OOSP1: variants seen among roughly 807,000 people sequenced by gnomAD.
OOSP1 encodes oocyte secreted protein 1.
In OOSP1, 11 loss-of-function variants were observed where a neutral mutation model predicts 5.7. The ratio of observed to expected loss-of-function variants is 1.94; its 90% CI spans 1.22 to 3.20. The LOEUF (loss-of-function observed/expected upper bound fraction) is 3.20, where lower values mean the gene tolerates loss of function less well. Among genes scored for constraint, OOSP1 ranks in the 30% most tolerant of loss-of-function variants. OOSP1 has a pLI of 0.00. For missense variants in OOSP1, 83 were observed against 54.1 expected, an observed-to-expected ratio of 1.53 and a Z score of -1.67; for synonymous variants, 44 against 20.0, an observed-to-expected ratio of 2.20 and a Z score of -3.20.
At chr11:59,948,222 A>G (rs1853906896) in intron 4 of OOSP1, among the ~76,000 whole-genome samples, 1 of 152,228 alleles carries the variant, frequency 6.6e-6, no homozygotes, top group Non-Finnish European at 1.5e-5. Flanking sequence ...AGTGGCTTAG[A>G]TATGTTGATG....
intron 2 of OOSP1, among the ~76,000 whole-genome samples, chr11:59,943,414 A>G (rs1409621373): frequency 6.6e-6 from 1 of 152,158 alleles, no homozygotes; most frequent in African/African-American, 2.4e-5. Context: ...ATACCTACAA[A>G]CTAGAAGTCA....
chr11:59,945,788 T>C (rs1853877048), intron 3 of OOSP1, among the ~76,000 whole-genome samples: 1 of 138,052 alleles, frequency 7.2e-6, no homozygotes, highest in South Asian at 2.4e-4. Flanking sequence ...TGTCAGAGAC[T>C]GGGTAATTTA....
In OOSP1 at chr11:59,945,265, AAGTG is replaced by A. The variant is rs774808718; in HGVS notation, c.356+3_356+6del. On this transcript the variant is annotated splice_donor_variant and splice_donor_region_variant and coding_sequence_variant and intron_variant, in exon 3 of 5. Transcript: ENST00000646685. LOFTEE classifies it high-confidence loss of function. Reference sequence around the variant, plus strand: ...AATGCCTCTGTCGTGTGTCGTCCACAAGTGAGTATGGAATGCCAAACCCCTGTCC... The same window carrying A: ...AATGCCTCTGTCGTGTGTCGTCCACAAGTATGGAATGCCAAACCCCTGTCC... The A allele has an allele frequency of 1.4e-5, 10 of 702,884 alleles. 1 individual carries two copies. The South Asian group carries it at 1.5e-4, about 10-fold the overall frequency. The allele number at this position is 702,884 out of a possible 1,614,324, so 43.5% of individuals were successfully genotyped here. A position where few individuals can be genotyped will look rare whatever the true frequency, so the allele number is the denominator to read the frequency against.
chr11:59,952,562 C>T (rs1328880400), intron 4 of OOSP1, among the ~76,000 whole-genome samples: 1 of 152,104 alleles, frequency 6.6e-6, no homozygotes, highest in Non-Finnish European at 1.5e-5. Flanking sequence ...TCTGTTCTCA[C>T]TTATAAGTGG....
At chr11:59,945,401 C>T (rs1020661641) in intron 3 of OOSP1, 135 bp downstream of exon 3, 2 of 694,552 alleles carry the variant, frequency 2.9e-6, no homozygotes, top group African/African-American at 3.5e-5. Context: ...AATGGGAACA[C>T]AGATCTCTTG....
At chr11:59,950,612 A>G (rs1853930269) in intron 4 of OOSP1, among the ~76,000 whole-genome samples, 1 of 152,134 alleles carries the variant, frequency 6.6e-6, no homozygotes, top group Non-Finnish European at 1.5e-5. Flanking sequence ...TCTGTTGCTG[A>G]AAAGTTAAGT....
At chr11:59,941,979 T>C (rs1230104077) in intron 1 of OOSP1, among the ~76,000 whole-genome samples, 1 of 152,202 alleles carries the variant, frequency 6.6e-6, no homozygotes, top group African/African-American at 2.4e-5. Context: ...TAAACATCTT[T>C]TCATATAGTT....
intron 3 of OOSP1, among the ~76,000 whole-genome samples, chr11:59,946,965 A>G (rs28670007): frequency 1.2e-4 from 17 of 143,556 alleles, no homozygotes; most frequent in Middle Eastern, 3.7e-3. Flanking sequence ...CTATCTATCT[A>G]TCTGTCTATC....
exon 3 of OOSP1, chr11:59,945,193 A>C (rs1853868385): frequency 1.4e-6 from 1 of 702,986 alleles, no homozygotes; most frequent in Non-Finnish European, 2.6e-6. Context: ...TCTTCTGCTT[A>C]AAACTAAAAT....
At chr11:59,950,531 G>T (rs964678579) in intron 4 of OOSP1, among the ~76,000 whole-genome samples, 1 of 152,192 alleles carries the variant, frequency 6.6e-6, no homozygotes. Flanking sequence ...AGACAGTAAG[G>T]TCAATTGGAA....
At chr11:59,945,654 G>GGCA (rs920173839) in intron 3 of OOSP1, among the ~76,000 whole-genome samples, 1 of 150,332 alleles carries the variant, frequency 6.7e-6, no homozygotes, top group Non-Finnish European at 1.5e-5. Context: ...GGGAGCTTGA[G>GGCA]GCAGCAGAAT....
chr11:59,940,728 C>A (rs2134563089), intron 1 of OOSP1, among the ~76,000 whole-genome samples: 1 of 152,290 alleles, frequency 6.6e-6, no homozygotes, highest in South Asian at 2.1e-4. Context: ...AGGTACAGAT[C>A]TGAAAAGTAA....
At chr11:59,955,465 A>G (rs1489987381) in intron 4 of OOSP1, among the ~76,000 whole-genome samples, 1 of 152,220 alleles carries the variant, frequency 6.6e-6, no homozygotes. Context: ...TAAACAAAGA[A>G]TAAGCCCAAT....
intron 1 of OOSP1, among the ~76,000 whole-genome samples, chr11:59,939,553 T>A (rs1853803478): frequency 6.6e-6 from 1 of 151,710 alleles, no homozygotes; most frequent in East Asian, 1.9e-4. Context: ...TGCTGAATGC[T>A]TTTTTCTGTT....
intron 4 of OOSP1, among the ~76,000 whole-genome samples, chr11:59,949,847 C>G (rs1853921647): frequency 6.6e-6 from 1 of 152,148 alleles, no homozygotes; most frequent in Admixed American, 6.5e-5. Flanking sequence ...GTGATGACTA[C>G]AAGGCCAATG....
intron 1 of OOSP1, among the ~76,000 whole-genome samples, chr11:59,940,217 A>G (rs781216947): frequency 9.9e-5 from 15 of 152,256 alleles, no homozygotes; most frequent in African/African-American, 3.4e-4. Flanking sequence ...CTAAGTTTAA[A>G]AAAGCAGGTA....
At chr11:59,956,502 G>C (rs935837027) in intron 4 of OOSP1, among the ~76,000 whole-genome samples, 1 of 152,012 alleles carries the variant, frequency 6.6e-6, no homozygotes, top group Non-Finnish European at 1.5e-5. Context: ...TTGTTTTTCT[G>C]TAAGTAGATT....
intron 4 of OOSP1, 127 bp downstream of exon 4, chr11:59,947,989 G>A: frequency 2.5e-6 from 1 of 394,610 alleles, no homozygotes; most frequent in Non-Finnish European, 4.5e-6. Flanking sequence ...AATGTTTCCG[G>A]TTCAAGAATG....
At chr11:59,954,478 T>G (rs188953096) in intron 4 of OOSP1, among the ~76,000 whole-genome samples, 51 of 152,268 alleles carry the variant, frequency 3.3e-4, no homozygotes, top group Admixed American at 5.2e-4. Flanking sequence ...AACACAGAAC[T>G]TGCTCTGAAT....
Sources: gnomAD v4.1 joint callset for allele counts (sites outside exome capture counted in the v4.1 genomes callset) on GRCh38, gnomAD v4.1.1 for gene constraint, MANE v1.5 for transcripts, NCBI Gene and HGNC (gene_info 2026-07-23, HGNC 2026-07-21) for gene names.